THY1: variants seen among roughly 807,000 people sequenced by gnomAD.
The protein encoded by THY1 is thy-1 membrane glycoprotein.
THY1 carries 10 observed loss-of-function variants against 14.9 expected under a neutral mutation model. That is an observed-to-expected ratio of 0.67 (90% CI 0.41 to 1.14). THY1 has a LOEUF of 1.14. Ranked by LOEUF, THY1 falls within the 50% of genes most tolerant of loss-of-function variation. THY1 has a pLI of 0.00. For missense variants in THY1, 159 were observed against 202.1 expected, an observed-to-expected ratio of 0.79 and a Z score of 1.29; for synonymous variants, 80 against 90.0, an observed-to-expected ratio of 0.89 and a Z score of 0.63.
Position 119,417,680 on chromosome 11 carries a change from G to A in THY1, c.*1728C>T, listed in dbSNP as rs1207091575. 2 of 152,238 alleles carry A rather than the reference G, an allele frequency of 1.3e-5. No homozygotes were observed. The highest frequency in any genetic ancestry group is 2.9e-5 in the Non-Finnish European group (2 of 68,062). The allele number at this position is 152,238 out of a possible 1,614,324, so 9.4% of individuals were successfully genotyped here. A position where few individuals can be genotyped will look rare whatever the true frequency, so the allele number is the denominator to read the frequency against. On this transcript the variant is annotated 3_prime_UTR_variant, in exon 4 of 4. Coordinates refer to ENST00000284240, the MANE Select transcript of THY1 (RefSeq NM_006288.5). ...CCCTACTCCCGAAGGGACAGTATTT[G>A]TCCCCAGTCCTTTCTCCTGCCGATG...
chr11:119,422,489 C>T lies in THY1; in HGVS notation c.-25+624G>A, dbSNP rs534794767. ...GCTCCAGACCCAGAGAAGGTCTGCTCTTCCTCCCTCTCAAGCCCCCGGCGG... is the reference window on the plus strand; with the variant it reads ...GCTCCAGACCCAGAGAAGGTCTGCTTTTCCTCCCTCTCAAGCCCCCGGCGG... On this transcript the variant is annotated intron_variant, in intron 1 of 3. Transcript: ENST00000284240. The surrounding 1 kb of genome is among the most constrained non-coding windows in gnomAD (Gnocchi z 7.0). 194 of 164,362 alleles carry T rather than the reference C, an allele frequency of 1.2e-3. 1 individual carries two copies. The Middle Eastern group carries it at 0.012, about 10-fold the overall frequency. The allele number at this position is 164,362 out of a possible 1,614,324, so 10.2% of individuals were successfully genotyped here.
intron 2 of THY1, 171 bp from the exon 3 acceptor site, chr11:119,420,557 C>A: frequency 1.5e-6 from 1 of 671,628 alleles, no homozygotes; most frequent in Non-Finnish European, 2.5e-6. Context: ...CAGCCTCCCT[C>A]CCCACTCTGC....
At chr11:119,424,027 C>T (rs1401249535), upstream of THY1, 1 of 152,458 alleles carries the variant, frequency 6.6e-6, no homozygotes, top group Non-Finnish European at 1.5e-5. Flanking sequence ...TCAATCCTCA[C>T]CTCCTGTCTT....
chr11:119,415,754 T>C lies in THY1; in HGVS notation c.*3654A>G, dbSNP rs1159564392. Among the ~76,000 whole-genome samples, 7 of 152,184 alleles carry C rather than the reference T, an allele frequency of 4.6e-5. No individual in the cohort carries two copies. Among genetic ancestry groups the C allele is most frequent in the Non-Finnish European group, 1.0e-4 (7 of 68,014 alleles). ...GGGTCTGCACAGGACATGTTTCTCCTTGAGTGTGTTGGGGACATTCCAGGC... is the reference window on the plus strand; with the variant it reads ...GGGTCTGCACAGGACATGTTTCTCCCTGAGTGTGTTGGGGACATTCCAGGC... On this transcript the variant is annotated 3_prime_UTR_variant, in exon 4 of 4. Coordinates refer to ENST00000284240, the MANE Select transcript of THY1 (RefSeq NM_006288.5).
In THY1 at chr11:119,419,323, G is replaced by C. The variant is rs1565326035; in HGVS notation, c.*85C>G. On this transcript the variant is annotated 3_prime_UTR_variant, in exon 4 of 4. Transcript: ENST00000284240. ...ACTTCTCCTCAAGGTTTGAGGGATT[G>C]GGGGGAGGGGGTCAGCTGACTCAGA... 2.4e-6 allele frequency: 3 copies of C among 1,228,698 alleles called. No individual in the cohort carries two copies. The highest frequency in any genetic ancestry group is 1.5e-5 in the African/African-American group (1 of 67,020). The allele number at this position is 1,228,698 out of a possible 1,614,324, so 76.1% of individuals were successfully genotyped here.
Position 119,419,243 on chromosome 11 carries a change from C to T in THY1, c.*165G>A. 1.4e-6 allele frequency: 1 copy of T among 706,758 alleles called. No homozygotes were observed. The highest frequency in any genetic ancestry group is 1.5e-5 in the South Asian group (1 of 65,512). The allele number at this position is 706,758 out of a possible 1,614,324, so 43.8% of individuals were successfully genotyped here. On this transcript the variant is annotated 3_prime_UTR_variant, in exon 4 of 4. Transcript: ENST00000284240. ...GGAGAGGGTGAGGTGGCCGCGTGGA[C>T]GTGGGTAGATAATCGCATGCAGCAC...
chr11:119,419,575 T>G, intron 3 of THY1, 55 bp from the exon 4 acceptor site: 2 of 1,459,032 alleles, frequency 1.4e-6, no homozygotes, highest in Non-Finnish European at 1.9e-6. Flanking sequence ...GGATCAGGAC[T>G]CAGGCAGGCA....
rs921726968 is a variant in THY1, at chr11:119,417,753, C to T, written c.*1655G>A. ...CCTTGAGGACATGGGCATCTCCCAC[C>T]CTTCGTGCTCACCCTCGCAATAGTG... On this transcript the variant is annotated 3_prime_UTR_variant, in exon 4 of 4. Coordinates refer to ENST00000284240, the MANE Select transcript of THY1 (RefSeq NM_006288.5). 1 of 152,314 alleles carries T rather than the reference C, an allele frequency of 6.6e-6. No individual in the cohort carries two copies. The highest frequency in any genetic ancestry group is 2.4e-5 in the African/African-American group (1 of 41,448). 9.4% of individuals were successfully genotyped at this position (152,314 alleles called of 1,614,324 possible).
rs1394806995 is a variant in THY1, at chr11:119,419,088, C to G, written c.*320G>C. On this transcript the variant is annotated 3_prime_UTR_variant, in exon 4 of 4. Coordinates refer to ENST00000284240, the MANE Select transcript of THY1 (RefSeq NM_006288.5). ...TCCCACTACCCCTCACATGCTCTCA[C>G]TCTCCATCAGGTCCCCAATCCTGGC... The G allele has an allele frequency of 8.1e-6, 3 of 369,392 alleles. No individual in the cohort carries two copies. Among genetic ancestry groups the G allele is most frequent in the Non-Finnish European group, 1.6e-5 (3 of 189,168 alleles). The allele number at this position is 369,392 out of a possible 1,614,324, so 22.9% of individuals were successfully genotyped here. A position where few individuals can be genotyped will look rare whatever the true frequency, so the allele number is the denominator to read the frequency against.
chr11:119,423,042 T>C (rs1861941765), intron 1 of THY1, 71 bp downstream of exon 1: 1 of 454,836 alleles, frequency 2.2e-6, no homozygotes. Flanking sequence ...CGAAGCCTAG[T>C]GTTGGGAAGT....
In THY1 at chr11:119,416,194, G is replaced by A. The variant is rs778958619; in HGVS notation, c.*3214C>T. ...AGAGGGGCTTCTGTTGCTCTTGAGC[G>A]GGAATTCCACGGCCCTAGGTATGGA... is the stretch of plus-strand genomic sequence containing the variant. On this transcript the variant is annotated 3_prime_UTR_variant, in exon 4 of 4. Coordinates refer to ENST00000284240, the MANE Select transcript of THY1 (RefSeq NM_006288.5). Among the ~76,000 whole-genome samples the A allele has an allele frequency of 2.0e-5, 3 of 152,190 alleles. No homozygotes were observed. Among genetic ancestry groups the A allele is most frequent in the African/African-American group, 7.2e-5 (3 of 41,442 alleles).
In THY1 at chr11:119,423,095, A is replaced by G. The variant is rs920224031; in HGVS notation, c.-25+18T>C. On this transcript the variant is annotated intron_variant, in intron 1 of 3. Transcript: ENST00000284240. ...CGGCGGTCCCCGAGCCCCAGGTCCC[A>G]CCGGCTCCAGTTCCCACCTGGACTG... The G allele has an allele frequency of 8.8e-6, 4 of 455,716 alleles. No homozygotes were observed. The highest frequency in any genetic ancestry group is 8.0e-5 in the African/African-American group (4 of 49,936). 28.2% of individuals were successfully genotyped at this position (455,716 alleles called of 1,614,324 possible). A position where few individuals can be genotyped will look rare whatever the true frequency, so the allele number is the denominator to read the frequency against.
At chr11:119,420,785 C>T (rs895934082) in intron 2 of THY1, 84 bp downstream of exon 2, 1 of 1,545,710 alleles carries the variant, frequency 6.5e-7, no homozygotes, top group Non-Finnish European at 8.9e-7. Flanking sequence ...CTGCGCTTTT[C>T]TGAGACTGTG....
chr11:119,424,601 A>G (rs1861981886), upstream of THY1, among the ~76,000 whole-genome samples: 1 of 152,134 alleles, frequency 6.6e-6, no homozygotes, highest in South Asian at 2.1e-4. Flanking sequence ...CAAAGGAGCT[A>G]TTCACTTTGG....
Position 119,418,722 on chromosome 11 carries a change from G to A in THY1, c.*686C>T, listed in dbSNP as rs1861830864. ...CCTTCTCCAACCCTCCACTAGCGCT[G>A]CTTTCCTGGTCAAACCTGCATCTTC... On this transcript the variant is annotated 3_prime_UTR_variant, in exon 4 of 4. Transcript: ENST00000284240. 6.5e-6 allele frequency: 1 copy of A among 153,452 alleles called. No individual in the cohort carries two copies. The highest frequency in any genetic ancestry group is 1.4e-5 in the Non-Finnish European group (1 of 69,000). 9.5% of individuals were successfully genotyped at this position (153,452 alleles called of 1,614,324 possible).
intron 3 of THY1, 175 bp downstream of exon 3, chr11:119,419,876 G>A (rs1454808369): frequency 1.4e-6 from 1 of 738,078 alleles, no homozygotes; most frequent in African/African-American, 1.8e-5. Context: ...CTGGCCCTGA[G>A]CTCTTCACCC....
rs571061851 is a variant in THY1, at chr11:119,416,707, G to T, written c.*2701C>A. ...TCGAACTCCTGACCTCAAGCGATCC[G>T]CCTCTTCCCAAAGTGGTGGGATTAC... On this transcript the variant is annotated 3_prime_UTR_variant, in exon 4 of 4. Coordinates refer to ENST00000284240, the MANE Select transcript of THY1 (RefSeq NM_006288.5). 1.4e-4 allele frequency among the ~76,000 whole-genome samples: 21 copies of T among 152,240 alleles called. No individual in the cohort carries two copies. The South Asian group carries it at 1.9e-3, about 14-fold the overall frequency.
rs888134318 is a variant in THY1 at position 119,419,404 on chromosome 11, C to A, written c.*4G>T. On this transcript the variant is annotated 3_prime_UTR_variant, in exon 4 of 4. Transcript: ENST00000284240. ...CTTCCTGTCTCCTCCATGGGCCCCA[C>A]CAGTCACAGGGACATGAAATCCGTG... 3.3e-5 allele frequency: 53 copies of A among 1,613,224 alleles called. 1 individual carries two copies. Among genetic ancestry groups the A allele is most frequent in the Non-Finnish European group, 4.2e-5 (49 of 1,179,434 alleles).
Position 119,419,416 on chromosome 11 carries a change from A to G in THY1, c.478T>C (p.Ser160Pro). The part of the protein sequence containing the change: ...LSLLQATDFM[S>P]L ...TCCATGGGCCCCACCAGTCACAGGG[A>G]CATGAAATCCGTGGCCTGGAGGAGG... is the stretch of plus-strand genomic sequence containing the variant. Residue 160 changes from serine to proline, a missense_variant, in exon 4 of 4, where the codon TCC becomes CCC. Ser to Pro is a moderately conservative substitution (Grantham distance 74). Transcript: ENST00000284240. The G allele has an allele frequency of 1.2e-6, 2 of 1,614,014 alleles. No individual in the cohort carries two copies. The highest frequency in any genetic ancestry group is 1.7e-6 in the Non-Finnish European group (2 of 1,179,944).
Sources: gnomAD v4.1 joint callset for allele counts (sites outside exome capture counted in the v4.1 genomes callset) on GRCh38, gnomAD v4.1.1 for gene constraint, Gnocchi (gnomAD v3.1) non-coding constraint, MANE v1.5 for transcripts, NCBI Gene and HGNC (gene_info 2026-07-23, HGNC 2026-07-21) for gene names.